The following CYP39A1 variants were observed in gnomAD, a reference collection of about 807,000 sequenced individuals.
CYP39A1 encodes the protein cytochrome P450 family 39 subfamily A member 1.
In CYP39A1, 49 loss-of-function variants were observed where a neutral mutation model predicts 58.1. That is an observed-to-expected ratio of 0.84 (90% confidence interval 0.67 to 1.07). The LOEUF (loss-of-function observed/expected upper bound fraction) is 1.07. CYP39A1 is among the 50% of genes least tolerant of loss of function. The probability of loss-of-function intolerance (pLI) is 0.00; values close to 1 mark genes in which losing one functional copy is unlikely to be tolerated. For synonymous variants in CYP39A1, 209 were observed against 187.6 expected, an observed-to-expected ratio of 1.11 and a Z score of -0.93; for missense variants, 531 against 539.4, an observed-to-expected ratio of 0.98 and a Z score of 0.16.
intron 8 of CYP39A1, among the ~76,000 whole-genome samples, chr6:46,589,073 G>A (rs114632003): frequency 0.011 from 1,655 of 152,094 alleles, 25 homozygotes; most frequent in African/African-American, 0.038. Flanking sequence ...CTATTTAACC[G>A]TGTATAATTT....
intron 3 of CYP39A1, among the ~76,000 whole-genome samples, chr6:46,638,853 T>C (rs1171013693): frequency 1.3e-5 from 2 of 152,176 alleles, no homozygotes; most frequent in Admixed American, 6.5e-5. Flanking sequence ...GAAATCTCTT[T>C]ATGCATGTGG....
chr6:46,574,437 C>A (rs1771747831), intron 10 of CYP39A1, among the ~76,000 whole-genome samples: 1 of 152,056 alleles, frequency 6.6e-6, no homozygotes, highest in South Asian at 2.1e-4. Context: ...CCATGGATAT[C>A]CAAGTGAAAA....
At chr6:46,589,725 C>T (rs1016093413) in intron 8 of CYP39A1, among the ~76,000 whole-genome samples, 1 of 152,046 alleles carries the variant, frequency 6.6e-6, no homozygotes, top group Non-Finnish European at 1.5e-5. Context: ...GGAACTGAGG[C>T]TAGAGAGGTC....
At chr6:46,635,742 T>C (rs1010977377) in intron 5 of CYP39A1, among the ~76,000 whole-genome samples, 7 of 152,090 alleles carry the variant, frequency 4.6e-5, no homozygotes, top group South Asian at 2.1e-4. Context: ...ATATAATTAT[T>C]TGTAGAGACC....
chr6:46,636,884 A>G (rs926445463), intron 4 of CYP39A1, among the ~76,000 whole-genome samples: 2 of 152,130 alleles, frequency 1.3e-5, no homozygotes, highest in African/African-American at 4.8e-5. Context: ...CTGAACAGTC[A>G]CCATTGTAGA....
At chr6:46,617,839 G>A (rs751020181) in intron 7 of CYP39A1, among the ~76,000 whole-genome samples, 14 of 152,098 alleles carry the variant, frequency 9.2e-5, no homozygotes, top group East Asian at 3.8e-4. Context: ...CTTAATTAGC[G>A]CTGACTATTA....
intron 10 of CYP39A1, among the ~76,000 whole-genome samples, chr6:46,567,416 T>C (rs1315365499): frequency 6.6e-6 from 1 of 152,168 alleles, no homozygotes; most frequent in East Asian, 1.9e-4. Context: ...TTGTGATTAA[T>C]GCTGCAATGA....
chr6:46,627,027 C>G (rs1775351912), intron 6 of CYP39A1, among the ~76,000 whole-genome samples: 1 of 152,118 alleles, frequency 6.6e-6, no homozygotes, highest in African/African-American at 2.4e-5. Flanking sequence ...AGGAAACTTA[C>G]AATCATGGCA....
intron 10 of CYP39A1, among the ~76,000 whole-genome samples, chr6:46,563,457 A>C (rs555533412): frequency 5.3e-4 from 80 of 152,338 alleles, no homozygotes; most frequent in African/African-American, 1.7e-3. Flanking sequence ...AATTTTTTAA[A>C]TACTTGGTAC....
intron 1 of CYP39A1, among the ~76,000 whole-genome samples, chr6:46,643,824 T>G (rs192352773): frequency 6.6e-6 from 1 of 152,182 alleles, no homozygotes; most frequent in African/African-American, 2.4e-5. Flanking sequence ...TTTTTTTGTA[T>G]GCAATGTCAG....
At chr6:46,594,990 T>A (rs563121657) in intron 8 of CYP39A1, among the ~76,000 whole-genome samples, 81 of 151,906 alleles carry the variant, frequency 5.3e-4, no homozygotes, top group African/African-American at 1.9e-3. Flanking sequence ...AAATGATTTT[T>A]AAAAATTGGC....
At chr6:46,582,483 T>C (rs993985065) in intron 10 of CYP39A1, among the ~76,000 whole-genome samples, 2 of 152,164 alleles carry the variant, frequency 1.3e-5, no homozygotes, top group African/African-American at 2.4e-5. Flanking sequence ...ATTATATTCC[T>C]ATAAGCACTT....
Position 46,639,538 on chromosome 6 carries a change from C to A in CYP39A1, c.444G>T (p.Glu148Asp), listed in dbSNP as rs1776196291. 2 of 1,614,108 alleles carry A rather than the reference C, an allele frequency of 1.2e-6. No individual in the cohort carries two copies. The highest frequency in any genetic ancestry group is 1.7e-6 in the Non-Finnish European group (2 of 1,180,014). ...CCATTGTCCCATGAGTGCCTAAATTCTCCAGTTGTTCATGTAATTCTTCAG... is the reference window on the plus strand; with the variant it reads ...CCATTGTCCCATGAGTGCCTAAATTATCCAGTTGTTCATGTAATTCTTCAG... ...QLTEELHEQL[E>D]NLGTHGTMDL... Residue 148 changes from glutamate to aspartate, a missense_variant, in exon 3 of 12, where the codon GAG (glutamate) becomes GAT (aspartate). Glu to Asp is a conservative substitution (Grantham distance 45, BLOSUM62 2). Transcript: ENST00000275016.
chr6:46,611,626 A>G (rs1774216588), intron 7 of CYP39A1, among the ~76,000 whole-genome samples: 1 of 152,202 alleles, frequency 6.6e-6, no homozygotes, highest in Non-Finnish European at 1.5e-5. Flanking sequence ...GAGATTATCA[A>G]TTTCTCTAAC....
chr6:46,644,309 A>C (rs1776518376), intron 1 of CYP39A1, among the ~76,000 whole-genome samples: 1 of 152,230 alleles, frequency 6.6e-6, no homozygotes, highest in Non-Finnish European at 1.5e-5. Flanking sequence ...TCAATCATTC[A>C]TTCCTTTATA....
chr6:46,589,105 G>C (rs1169795111), intron 8 of CYP39A1, among the ~76,000 whole-genome samples: 4 of 152,014 alleles, frequency 2.6e-5, no homozygotes, highest in African/African-American at 9.7e-5. Flanking sequence ...CAAGATATTT[G>C]AAAAACTTTT....
chr6:46,637,037 A>G lies in CYP39A1; in HGVS notation c.639-555T>C, dbSNP rs114751012. ...ATGTTCTGAGGCTACAGCCCTCATG[A>G]AAAGGAGTACTAACCTTATGAACAG... On this transcript the variant is annotated intron_variant, in intron 4 of 11. Coordinates refer to ENST00000275016, the MANE Select transcript of CYP39A1 (RefSeq NM_016593.5). 1.9e-3 allele frequency among the ~76,000 whole-genome samples: 297 copies of G among 152,314 alleles called. 1 individual carries two copies. Among genetic ancestry groups the G allele is most frequent in the African/African-American group, 6.8e-3 (283 of 41,572 alleles).
At chr6:46,553,093 A>AC (rs1582278041) in intron 11 of CYP39A1, among the ~76,000 whole-genome samples, 1 of 150,834 alleles carries the variant, frequency 6.6e-6, no homozygotes, top group East Asian at 1.9e-4. Flanking sequence ...AAAAAAAAAA[A>AC]AGGAAAGAAA....
intron 10 of CYP39A1, among the ~76,000 whole-genome samples, chr6:46,585,685 A>G (rs1336712806): frequency 6.6e-6 from 1 of 152,154 alleles, no homozygotes; most frequent in African/African-American, 2.4e-5. Context: ...GGAACCCTCA[A>G]CTAAAAGTGA....
Sources: allele counts gnomAD v4.1 joint callset (sites outside exome capture counted in the v4.1 genomes callset), GRCh38; gene constraint gnomAD v4.1.1; transcripts MANE v1.5; gene names NCBI Gene and HGNC (gene_info 2026-07-23, HGNC 2026-07-21).